The following MAGI2 variants were observed in gnomAD, a reference collection of about 807,000 sequenced individuals.
MAGI2 encodes the protein membrane-associated guanylate kinase, WW and PDZ domain-containing protein 2.
A neutral mutation model predicts 133.3 loss-of-function variants in MAGI2; 35 were observed. The ratio of observed to expected loss-of-function variants is 0.26; its 90% CI spans 0.20 to 0.35. The LOEUF (loss-of-function observed/expected upper bound fraction) is 0.35. Among genes scored for constraint, MAGI2 ranks in the 10% least tolerant of loss-of-function variants. The pLI is 1.00. For missense variants in MAGI2, 1,636 were observed against 1,863.4 expected (o/e 0.88, Z 2.25); for synonymous variants, 729 against 710.6 (o/e 1.03, Z -0.41).
chr7:78,802,779 G>C (rs969622396), intron 2 of MAGI2, among the ~76,000 whole-genome samples: 2 of 151,944 alleles, frequency 1.3e-5, no homozygotes, highest in East Asian at 1.9e-4. Flanking sequence ...GTGTCTTGTA[G>C]GTTCATCAAT....
intron 9 of MAGI2, among the ~76,000 whole-genome samples, chr7:78,283,232 A>C (rs1795808266): frequency 6.6e-6 from 1 of 152,150 alleles, no homozygotes; most frequent in Non-Finnish European, 1.5e-5. Context: ...GAAATTACGT[A>C]TCTCAAGAGT....
At chr7:79,114,728 T>A (rs908904348) in intron 1 of MAGI2, among the ~76,000 whole-genome samples, 2 of 152,146 alleles carry the variant, frequency 1.3e-5, no homozygotes, top group Non-Finnish European at 2.9e-5. Flanking sequence ...ATTTTTATCA[T>A]CCATTGCAAG....
At chr7:78,950,265 TC>T (rs1464099163) in intron 2 of MAGI2, among the ~76,000 whole-genome samples, 2 of 152,178 alleles carry the variant, frequency 1.3e-5, no homozygotes, top group Admixed American at 1.3e-4. Context: ...CTAACACATA[TC>T]CCTATCTAAA....
At chr7:79,249,836 A>G (rs1833098585) in intron 1 of MAGI2, among the ~76,000 whole-genome samples, 1 of 152,170 alleles carries the variant, frequency 6.6e-6, no homozygotes, top group Admixed American at 6.5e-5. Context: ...CTTGACAAAG[A>G]CACATCAAAA....
At chr7:79,434,815 C>CA (rs1848027908) in intron 1 of MAGI2, among the ~76,000 whole-genome samples, 2 of 152,042 alleles carry the variant, frequency 1.3e-5, no homozygotes, top group African/African-American at 2.4e-5. Flanking sequence ...GGTGTTTCTG[C>CA]AAAAAATTAA....
chr7:78,867,123 T>G (rs1794626983), intron 2 of MAGI2, among the ~76,000 whole-genome samples: 1 of 148,660 alleles, frequency 6.7e-6, no homozygotes, highest in African/African-American at 2.5e-5. Context: ...ATTGTGGAAG[T>G]CAGTGTGGTG....
At chr7:79,388,921 G>C (rs1429953540) in intron 1 of MAGI2, among the ~76,000 whole-genome samples, 1 of 150,852 alleles carries the variant, frequency 6.6e-6, no homozygotes, top group Non-Finnish European at 1.5e-5. Context: ...CACAGCAATG[G>C]TAGCATTATT....
At chr7:79,039,904 A>G (rs1380320045) in intron 1 of MAGI2, among the ~76,000 whole-genome samples, 1 of 148,486 alleles carries the variant, frequency 6.7e-6, no homozygotes, top group Admixed American at 6.8e-5. Context: ...ATGAAATATT[A>G]TTCAGCCATA....
intron 2 of MAGI2, among the ~76,000 whole-genome samples, chr7:78,836,274 G>A (rs1791610179): frequency 6.6e-6 from 1 of 152,152 alleles, no homozygotes; most frequent in South Asian, 2.1e-4. Context: ...CAGGAGACAA[G>A]GTAGTTCAAA....
At chr7:78,283,650 G>T (rs570376436) in intron 9 of MAGI2, among the ~76,000 whole-genome samples, 2 of 152,102 alleles carry the variant, frequency 1.3e-5, no homozygotes, top group South Asian at 4.2e-4. Flanking sequence ...ATTTTTCATG[G>T]GAGAGAATGG....
At chr7:79,374,959 T>C (rs1309232267) in intron 1 of MAGI2, among the ~76,000 whole-genome samples, 1 of 151,916 alleles carries the variant, frequency 6.6e-6, no homozygotes, top group Non-Finnish European at 1.5e-5. Context: ...AAAGCACTCA[T>C]CAAATGGCCA....
chr7:78,202,702 A>G (rs1000111961), intron 10 of MAGI2, among the ~76,000 whole-genome samples: 2 of 151,570 alleles, frequency 1.3e-5, no homozygotes, highest in East Asian at 1.9e-4. Context: ...AAAAAAAAAA[A>G]AAAATTAAGC....
chr7:78,375,559 T>C (rs1794364117), intron 6 of MAGI2, among the ~76,000 whole-genome samples: 1 of 152,144 alleles, frequency 6.6e-6, no homozygotes, highest in African/African-American at 2.4e-5. Flanking sequence ...CCCTATATTA[T>C]TTTATGTTGA....
At chr7:78,661,362 T>A (rs1249024629) in intron 2 of MAGI2, among the ~76,000 whole-genome samples, 83 of 152,322 alleles carry the variant, frequency 5.4e-4, no homozygotes, top group South Asian at 5.4e-3. Flanking sequence ...TTCTGCATTT[T>A]TAACTGCCTA....
In MAGI2 at chr7:78,529,145, G is replaced by A. The variant is rs10240911; in HGVS notation, c.539-7500C>T. ...ATTATTCACCAGTGCTCTCCGGAAA[G>A]TCATGCAGATAGTTAAATTTGACTA... On this transcript the variant is annotated intron_variant, in intron 3 of 21. Coordinates refer to ENST00000354212, the MANE Select transcript of MAGI2 (RefSeq NM_012301.4). Among the ~76,000 whole-genome samples the A allele has an allele frequency of 5.2e-3, 793 of 152,288 alleles. 5 individuals carry two copies. Among genetic ancestry groups the A allele is most frequent in the African/African-American group, 0.017 (725 of 41,564 alleles).
At chr7:78,085,946 G>C (rs1370489150) in intron 20 of MAGI2, among the ~76,000 whole-genome samples, 3 of 152,258 alleles carry the variant, frequency 2.0e-5, no homozygotes, top group African/African-American at 7.2e-5. Context: ...TCATAACGGG[G>C]AGCTGGCTTT....
chr7:78,811,095 G>T (rs1789006278), intron 2 of MAGI2, among the ~76,000 whole-genome samples: 1 of 151,708 alleles, frequency 6.6e-6, no homozygotes, highest in African/African-American at 2.4e-5. Flanking sequence ...TTAGAGTCTG[G>T]TTGTTTTAAA....
intron 3 of MAGI2, among the ~76,000 whole-genome samples, chr7:78,594,185 A>G (rs1304876527): frequency 1.3e-5 from 2 of 152,170 alleles, no homozygotes; most frequent in Non-Finnish European, 2.9e-5. Context: ...GTTTGCCGGA[A>G]CTATATAGCT....
intron 9 of MAGI2, among the ~76,000 whole-genome samples, chr7:78,325,517 T>C (rs1182435074): frequency 6.6e-6 from 1 of 152,232 alleles, no homozygotes; most frequent in African/African-American, 2.4e-5. Context: ...GCAAACATAC[T>C]TGACTCGTTC....
Sources: allele counts gnomAD v4.1 joint callset (sites outside exome capture counted in the v4.1 genomes callset), GRCh38; gene constraint gnomAD v4.1.1; transcripts MANE v1.5; gene names NCBI Gene and HGNC (gene_info 2026-07-23, HGNC 2026-07-21).